The following YES1 variants were observed in gnomAD, a reference collection of about 807,000 sequenced individuals.
YES1 encodes tyrosine-protein kinase Yes.
A neutral mutation model predicts 70.4 loss-of-function variants in YES1; 39 were observed. The observed-to-expected ratio is 0.55, with a 90% CI of 0.43 to 0.72. The LOEUF is 0.72. YES1 is among the 30% of genes least tolerant of loss of function. The pLI, the probability that YES1 is intolerant of heterozygous loss-of-function variation, is 0.00. For synonymous variants in YES1, 198 were observed against 218.6 expected, an observed-to-expected ratio of 0.91 and a Z score of 0.83; for missense variants, 495 against 644.8, an observed-to-expected ratio of 0.77 and a Z score of 2.52.
chr18:762,235 G>A (rs1315848438), intron 1 of YES1, among the ~76,000 whole-genome samples: 1 of 152,192 alleles, frequency 6.6e-6, no homozygotes, highest in East Asian at 1.9e-4. Context: ...CAGGAGAATC[G>A]CTTGAACCCA....
At chr18:773,917 C>T (rs1214124124) in intron 1 of YES1, among the ~76,000 whole-genome samples, 7 of 150,628 alleles carry the variant, frequency 4.6e-5, no homozygotes, top group African/African-American at 1.7e-4. Context: ...CTGCAACCTC[C>T]ACCTCCTGGG....
intron 1 of YES1, among the ~76,000 whole-genome samples, chr18:808,299 A>C (rs1054654667): frequency 6.6e-6 from 1 of 152,176 alleles, no homozygotes; most frequent in Non-Finnish European, 1.5e-5. Context: ...CCTTTTGCTA[A>C]ATCTGCCTCT....
At chr18:793,653 C>CA (rs1188094727) in intron 1 of YES1, among the ~76,000 whole-genome samples, 1 of 151,796 alleles carries the variant, frequency 6.6e-6, no homozygotes, top group Non-Finnish European at 1.5e-5. Context: ...ATCCCTTATA[C>CA]AAAAAAAGTA....
At chr18:787,114 T>TG in intron 1 of YES1, among the ~76,000 whole-genome samples, 4 of 92,606 alleles carry the variant, frequency 4.3e-5, no homozygotes, top group African/African-American at 1.7e-4. Context: ...TTTTTTTTTT[T>TG]GAGACAGAGT....
At chr18:728,496 A>C (rs1367731518) in intron 11 of YES1, among the ~76,000 whole-genome samples, 1 of 152,108 alleles carries the variant, frequency 6.6e-6, no homozygotes, top group African/African-American at 2.4e-5. Context: ...TGTTATGTCA[A>C]TGCTCAAAAA....
At chr18:802,545 A>C (rs1241856739) in intron 1 of YES1, among the ~76,000 whole-genome samples, 1 of 123,820 alleles carries the variant, frequency 8.1e-6, no homozygotes, top group Admixed American at 7.9e-5. Flanking sequence ...ACTCCATCTC[A>C]AAAAAAAAAA....
At chr18:757,326 ACC>A (rs1904326197) in intron 1 of YES1, among the ~76,000 whole-genome samples, 1 of 150,998 alleles carries the variant, frequency 6.6e-6, no homozygotes, top group Non-Finnish European at 1.5e-5. Flanking sequence ...ACACGGTGAA[ACC>A]CCGCCTCTAC....
intron 10 of YES1, chr18:736,208 A>G (rs10164116): frequency 0.091 from 4,645 of 51,056 alleles, 220 homozygotes; most frequent in African/African-American, 0.31. Flanking sequence ...TACAGATAGG[A>G]AGGCATTCCA....
At position 767,010 on chromosome 18, in the gene YES1, A is replaced by G. The variant is rs536109054; in HGVS notation, c.-8-10175T>C. Among the ~76,000 whole-genome samples, 86 of 152,128 alleles carry G rather than the reference A, an allele frequency of 5.7e-4. No individual in the cohort carries two copies. In the South Asian group the frequency reaches 0.017, roughly 29 times the overall value. On this transcript the variant is annotated intron_variant, in intron 1 of 11. Transcript: ENST00000314574. ...TTTTTATTTTTATGGTTTATGTTTT[A>G]TGTGTCCGGAAAATTCTTCACCAGA...
chr18:745,900 A>G, intron 5 of YES1, 43 bp from the exon 6 acceptor site: 1 of 1,605,036 alleles, frequency 6.2e-7, no homozygotes. Flanking sequence ...TTCTCAAAAT[A>G]CTGCCCCAAG....
chr18:786,496 T>TACACACACACACACACAC (rs56410052), intron 1 of YES1, among the ~76,000 whole-genome samples: 39 of 139,530 alleles, frequency 2.8e-4, no homozygotes, highest in East Asian at 2.8e-3. Flanking sequence ...AATAAGTCCA[T>TACACACACACACACACAC]ACACACACAC....
intron 1 of YES1, among the ~76,000 whole-genome samples, chr18:811,690 G>A (rs1026547490): frequency 6.6e-6 from 1 of 152,134 alleles, no homozygotes; most frequent in Non-Finnish European, 1.5e-5. Flanking sequence ...GCTGCTACCG[G>A]CGTCGGCCGA....
chr18:785,971 C>A lies in YES1; in HGVS notation c.-9+26143G>T, dbSNP rs188265819. Among the ~76,000 whole-genome samples the A allele has an allele frequency of 3.7e-3, 565 of 152,080 alleles. 1 individual carries two copies. Among genetic ancestry groups the A allele is most frequent in the Admixed American group, 6.1e-3 (93 of 15,262 alleles). The stretch of plus-strand genomic sequence containing the variant: ...GTTTCTCTCTCTCCCTCACTCTAAC[C>A]CTCTCTCAGCCTCTTGCCTTCCACC... On this transcript the variant is annotated intron_variant, in intron 1 of 11. Coordinates refer to ENST00000314574, the MANE Select transcript of YES1 (RefSeq NM_005433.4).
chr18:729,813 G>GA (rs2080066970), intron 11 of YES1, among the ~76,000 whole-genome samples: 1 of 151,960 alleles, frequency 6.6e-6, no homozygotes, highest in African/African-American at 2.4e-5. Flanking sequence ...TTTTAGCAGA[G>GA]ATGGGGTTTT....
At chr18:733,095 A>C in intron 10 of YES1, 130 bp from the exon 11 acceptor site, 1 of 758,264 alleles carries the variant, frequency 1.3e-6, no homozygotes, top group Non-Finnish European at 2.1e-6. Context: ...TAAATGTACA[A>C]GATACATGGG....
At chr18:809,923 T>G (rs953370877) in intron 1 of YES1, among the ~76,000 whole-genome samples, 1 of 151,714 alleles carries the variant, frequency 6.6e-6, no homozygotes, top group Non-Finnish European at 1.5e-5. Context: ...CCTATCACAA[T>G]CTCCTCCCTC....
rs557107325 is a variant in YES1, at chr18:774,460, C to T, written c.-8-17625G>A. 8.5e-5 allele frequency among the ~76,000 whole-genome samples: 13 copies of T among 152,276 alleles called. No homozygotes were observed. The South Asian group carries it at 2.7e-3, about 32-fold the overall frequency. On this transcript the variant is annotated intron_variant, in intron 1 of 11. Coordinates refer to ENST00000314574, the MANE Select transcript of YES1 (RefSeq NM_005433.4). ...ATTTAACATTTCCAAGAAACCTAAT[C>T]TTCCTCCCCAAAGCAGCTCCTCCTG...
intron 1 of YES1, among the ~76,000 whole-genome samples, chr18:766,114 T>C (rs1164566885): frequency 6.6e-6 from 1 of 152,210 alleles, no homozygotes; most frequent in Non-Finnish European, 1.5e-5. Flanking sequence ...AGAACTGTGA[T>C]TTTGTTGATC....
intron 1 of YES1, among the ~76,000 whole-genome samples, chr18:769,480 A>T (rs555701326): frequency 6.6e-6 from 1 of 152,200 alleles, no homozygotes; most frequent in Non-Finnish European, 1.5e-5. Flanking sequence ...TGAGGAGAGA[A>T]TATCTATGCC....
Sources: allele counts gnomAD v4.1 joint callset (sites outside exome capture counted in the v4.1 genomes callset), GRCh38; gene constraint gnomAD v4.1.1; transcripts MANE v1.5; gene names NCBI Gene and HGNC (gene_info 2026-07-23, HGNC 2026-07-21).